Variants in RABL2A observed in about 807,000 individuals in gnomAD.
RABL2A encodes the protein RAB, member of RAS oncogene family like 2A, also known as rab-like protein 2A.
In RABL2A, 17 loss-of-function variants were observed where a neutral mutation model predicts 30.7. That is an observed-to-expected ratio of 0.55 (90% confidence interval 0.38 to 0.83). The LOEUF is 0.83. RABL2A is among the 40% of genes least tolerant of loss of function. The probability of loss-of-function intolerance (pLI) is 0.00; values close to 1 mark genes in which losing one functional copy is unlikely to be tolerated. For synonymous variants in RABL2A, 64 were observed against 101.8 expected, an observed-to-expected ratio of 0.63 and a Z score of 2.24; for missense variants, 155 against 272.6, an observed-to-expected ratio of 0.57 and a Z score of 3.04.
At chr2:113,633,920 C>T (rs190745455) in intron 3 of RABL2A, 25 of 823,914 alleles carry the variant, frequency 3.0e-5, no homozygotes, top group East Asian at 3.0e-4. Context: ...TTACCTCAGA[C>T]TTCGATGGCC....
In RABL2A at chr2:113,637,933, C is replaced by T. The variant is rs370783131; in HGVS notation, c.297+2803C>T. ...CTGCCACCAGCCCCAGTCTGCTGCA[C>T]GGGCCCTGGCAAGTAGAAAGCACTT... On this transcript the variant is annotated intron_variant, in intron 5 of 8. Coordinates refer to ENST00000683472, the MANE Select transcript of RABL2A (RefSeq NM_001306158.2). The T allele has an allele frequency of 1.1e-3, 1,127 of 985,434 alleles. 5 individuals are homozygous for T. Among genetic ancestry groups the T allele is most frequent in the South Asian group, 7.2e-3 (153 of 21,288 alleles). 61.0% of individuals were successfully genotyped at this position (985,434 alleles called of 1,614,324 possible).
At chr2:113,628,875 C>T (rs192495157) in intron 2 of RABL2A, among the ~76,000 whole-genome samples, 162 bp downstream of exon 2, 2 of 152,126 alleles carry the variant, frequency 1.3e-5, no homozygotes, top group Admixed American at 6.5e-5. Context: ...TCACATGACC[C>T]GTTGTGTGTG....
rs1369660199 is a variant in RABL2A, at chr2:113,636,920, C to G, written c.297+1790C>G. ...AGGAGAATGGCGTGAACCCAGGAGG[C>G]GGAGCTTGCAGTGAGCCGAGATCGC... On this transcript the variant is annotated intron_variant, in intron 5 of 8. Coordinates refer to ENST00000683472, the MANE Select transcript of RABL2A (RefSeq NM_001306158.2). Among the ~76,000 whole-genome samples, 3 of 151,288 alleles carry G rather than the reference C, an allele frequency of 2.0e-5. No homozygotes were observed. The South Asian group carries it at 6.2e-4, about 31-fold the overall frequency.
At chr2:113,636,853 G>A (rs529028463) in intron 5 of RABL2A, among the ~76,000 whole-genome samples, 64 of 152,178 alleles carry the variant, frequency 4.2e-4, no homozygotes, top group Admixed American at 3.8e-3. Context: ...GCCGGGCGTG[G>A]TAGCGGGCGC....
At chr2:113,634,615 C>G (rs1681767827) in intron 4 of RABL2A, 1 of 410,736 alleles carries the variant, frequency 2.4e-6, no homozygotes, top group Non-Finnish European at 4.6e-6. Context: ...AACATTATCT[C>G]CCACATCGGG....
intron 5 of RABL2A, chr2:113,640,302 C>G (rs1684655555): frequency 6.5e-6 from 1 of 153,374 alleles, no homozygotes; most frequent in Non-Finnish European, 1.5e-5. Context: ...CATCAATTGG[C>G]AAATTGATTC....
At chr2:113,637,725 G>A in intron 5 of RABL2A, 1 of 1,255,586 alleles carries the variant, frequency 8.0e-7, no homozygotes, top group South Asian at 1.4e-5. Flanking sequence ...CAAGAGCAGA[G>A]GAGCTTGGTC....
At chr2:113,631,916 C>G (rs377227529) in intron 2 of RABL2A, among the ~76,000 whole-genome samples, 1 of 151,530 alleles carries the variant, frequency 6.6e-6, no homozygotes, top group East Asian at 1.9e-4. Context: ...TCTACGTGAT[C>G]TAAGAAGATG....
At chr2:113,629,554 A>C (rs1679477619) in intron 2 of RABL2A, among the ~76,000 whole-genome samples, 1 of 139,890 alleles carries the variant, frequency 7.1e-6, no homozygotes, top group South Asian at 2.3e-4. Flanking sequence ...TTTTTTTTTG[A>C]GACGGAGTCT....
chr2:113,640,776 G>A (rs989670879), intron 5 of RABL2A, 118 bp from the exon 6 acceptor site: 11 of 1,549,400 alleles, frequency 7.1e-6, no homozygotes, highest in South Asian at 4.8e-5. Context: ...AATTCAGAGC[G>A]TTCCCACAAA....
At chr2:113,635,585 T>A in intron 5 of RABL2A, 2 of 270,870 alleles carry the variant, frequency 7.4e-6, no homozygotes, top group Non-Finnish European at 7.3e-6. Flanking sequence ...AGCCTCCCAT[T>A]GTGTTGCCCG....
rs1236307940 is a variant in RABL2A at position 113,634,147 on chromosome 2, G to A, written c.138-6G>A. The stretch of plus-strand genomic sequence containing the variant: ...TTATTGATTTTGCTCCTTAACCTGA[G>A]TGCAGTCAGCCACAGCAGCTGTCCA... On this transcript the variant is annotated splice_polypyrimidine_tract_variant and splice_region_variant and intron_variant, in intron 3 of 8. Transcript: ENST00000683472. The A allele has an allele frequency of 1.2e-6, 2 of 1,608,298 alleles. No homozygotes were observed. Among genetic ancestry groups the A allele is most frequent in the South Asian group, 1.1e-5 (1 of 89,908 alleles).
intron 5 of RABL2A, chr2:113,639,947 A>G (rs186741698): frequency 6.6e-6 from 1 of 151,804 alleles, no homozygotes; most frequent in East Asian, 1.9e-4. Flanking sequence ...TCAGGCCAAG[A>G]GTTTGAGATG....
At position 113,641,435 on chromosome 2, in the gene RABL2A, T is replaced by C; in HGVS notation, c.492T>C (p.Gly164=). 1 of 1,612,240 alleles carries C rather than the reference T, an allele frequency of 6.2e-7. No homozygotes were observed. Among genetic ancestry groups the C allele is most frequent in the Non-Finnish European group, 8.5e-7 (1 of 1,179,462 alleles). The change falls in exon 7 of 9, where the codon GGT becomes GGC. Residue 164 remains glycine, a synonymous_variant. Transcript: ENST00000683472. ...TGTATTTCGTCTCGGCTGCTGATGGTACCAATGTTGTGAAGGTGTGGTTGA... is the reference window on the plus strand; with the variant it reads ...TGTATTTCGTCTCGGCTGCTGATGGCACCAATGTTGTGAAGGTGTGGTTGA... ...LPLYFVSAAD[G]TNVVKLFNDA...
Position 113,642,309 on chromosome 2 carries a change from C to T in RABL2A, c.*180C>T, listed in dbSNP as rs1376016629. On this transcript the variant is annotated 3_prime_UTR_variant, in exon 9 of 9. Coordinates refer to ENST00000683472, the MANE Select transcript of RABL2A (RefSeq NM_001306158.2). ...CAGGGATGAGGTCAGCACCAGCAAA[C>T]TCTGGACTGGTGGAAGAATTCCCCA... 6 of 1,401,788 alleles carry T rather than the reference C, an allele frequency of 4.3e-6. No homozygotes were observed. The highest frequency in any genetic ancestry group is 5.7e-6 in the Non-Finnish European group (6 of 1,056,964). The allele number at this position is 1,401,788 out of a possible 1,614,324, so 86.8% of individuals were successfully genotyped here. A position where few individuals can be genotyped will look rare whatever the true frequency, so the allele number is the denominator to read the frequency against.
intron 5 of RABL2A, among the ~76,000 whole-genome samples, chr2:113,636,701 G>A (rs1483266541): frequency 6.6e-6 from 1 of 151,960 alleles, no homozygotes; most frequent in African/African-American, 2.4e-5. Context: ...AATAAAGTCT[G>A]CCATGGGCCG....
At chr2:113,631,625 G>T (rs1357805788) in intron 2 of RABL2A, among the ~76,000 whole-genome samples, 3 of 152,170 alleles carry the variant, frequency 2.0e-5, no homozygotes, top group African/African-American at 7.2e-5. Context: ...TGCCGAGCTG[G>T]TTCTCTGCTA....
chr2:113,639,569 A>G (rs1574097755), intron 5 of RABL2A, among the ~76,000 whole-genome samples: 1 of 151,458 alleles, frequency 6.6e-6, no homozygotes, highest in African/African-American at 2.4e-5. Context: ...TTGCAGTGGC[A>G]GTGAGCCAAG....
intron 2 of RABL2A, 58 bp downstream of exon 2, chr2:113,628,771 A>G (rs1271716144): frequency 1.3e-5 from 11 of 872,312 alleles, no homozygotes; most frequent in Non-Finnish European, 1.9e-5. Context: ...GGTCATTTAA[A>G]AAGTCCTCCA....
Sources: gnomAD v4.1 joint callset for allele counts (sites outside exome capture counted in the v4.1 genomes callset) on GRCh38, gnomAD v4.1.1 for gene constraint, MANE v1.5 for transcripts, NCBI Gene and HGNC (gene_info 2026-07-23, HGNC 2026-07-21) for gene names.